The following SYNDIG1 variants were observed in gnomAD, a reference collection of about 807,000 sequenced individuals.
The protein encoded by SYNDIG1 is synapse differentiation-inducing gene protein 1.
A neutral mutation model predicts 19.4 loss-of-function variants in SYNDIG1; 9 were observed. The observed-to-expected ratio is 0.46, with a 90% CI of 0.28 to 0.81. The LOEUF (loss-of-function observed/expected upper bound fraction) is 0.81, where lower values mean the gene tolerates loss of function less well. Ranked by LOEUF, SYNDIG1 falls within the 30% of genes least tolerant of loss-of-function variation. The pLI is 0.12. For synonymous variants in SYNDIG1, 141 were observed against 145.9 expected, an observed-to-expected ratio of 0.97 and a Z score of 0.24; for missense variants, 311 against 343.3, an observed-to-expected ratio of 0.91 and a Z score of 0.74.
At chr20:24,533,609 T>A (rs1019531668) in intron 1 of SYNDIG1, among the ~76,000 whole-genome samples, 4 of 151,708 alleles carry the variant, frequency 2.6e-5, no homozygotes, top group African/African-American at 9.7e-5. Flanking sequence ...AAATGCTGTG[T>A]TGTACAGCAA....
chr20:24,576,057 G>A lies in SYNDIG1; in HGVS notation c.481-8799G>A, dbSNP rs981523526. ...CTCTCCTTCAGTGACACATGGCATCGCCACCCACATTGTCTTGTGCTCTGT... is the reference window on the plus strand; with the variant it reads ...CTCTCCTTCAGTGACACATGGCATCACCACCCACATTGTCTTGTGCTCTGT... On this transcript the variant is annotated intron_variant, in intron 2 of 3. Transcript: ENST00000376862. Among the ~76,000 whole-genome samples, 42 of 152,188 alleles carry A rather than the reference G, an allele frequency of 2.8e-4. 1 individual carries two copies. The highest frequency in any genetic ancestry group is 1.9e-3 in the Admixed American group (29 of 15,278).
chr20:24,544,314 G>T (rs1324222196), intron 2 of SYNDIG1, among the ~76,000 whole-genome samples: 1 of 152,182 alleles, frequency 6.6e-6, no homozygotes, highest in Non-Finnish European at 1.5e-5. Flanking sequence ...TGCTGCCCAT[G>T]CCTCCCAAGT....
chr20:24,541,517 T>C (rs2057468443), intron 1 of SYNDIG1, among the ~76,000 whole-genome samples: 1 of 152,158 alleles, frequency 6.6e-6, no homozygotes, highest in East Asian at 1.9e-4. Flanking sequence ...CCTTCCTCTA[T>C]AAGGAAGCAG....
intron 2 of SYNDIG1, among the ~76,000 whole-genome samples, chr20:24,575,289 A>G (rs2058210027): frequency 6.6e-6 from 1 of 152,236 alleles, no homozygotes; most frequent in Non-Finnish European, 1.5e-5. Flanking sequence ...CCAAAGGAAG[A>G]AAACAAAATT....
chr20:24,661,226 T>C (rs996906858), intron 3 of SYNDIG1, among the ~76,000 whole-genome samples: 2 of 151,926 alleles, frequency 1.3e-5, no homozygotes, highest in African/African-American at 2.4e-5. Context: ...GGTGTGTCTC[T>C]TGTGATGTGG....
intron 3 of SYNDIG1, among the ~76,000 whole-genome samples, chr20:24,620,214 C>T (rs767799434): frequency 6.6e-6 from 1 of 152,208 alleles, no homozygotes; most frequent in Non-Finnish European, 1.5e-5. Context: ...TGCTGCTACC[C>T]ATACATGGTG....
intron 2 of SYNDIG1, among the ~76,000 whole-genome samples, chr20:24,553,323 C>T (rs1278672692): frequency 1.3e-5 from 2 of 152,128 alleles, no homozygotes; most frequent in East Asian, 3.8e-4. Context: ...AATGAGATCC[C>T]ATTTGTCAAT....
chr20:24,522,390 C>T (rs1037580503), intron 1 of SYNDIG1, among the ~76,000 whole-genome samples: 2 of 152,250 alleles, frequency 1.3e-5, no homozygotes, highest in Admixed American at 1.3e-4. Context: ...TGTACCTGGC[C>T]GCATCAAGTT....
chr20:24,597,808 T>C (rs538667905), intron 3 of SYNDIG1, among the ~76,000 whole-genome samples: 1 of 152,286 alleles, frequency 6.6e-6, no homozygotes, highest in East Asian at 1.9e-4. Context: ...GTCACCTCGG[T>C]GTGCAAGAAT....
At chr20:24,617,330 T>A (rs534378173) in intron 3 of SYNDIG1, among the ~76,000 whole-genome samples, 3 of 151,940 alleles carry the variant, frequency 2.0e-5, no homozygotes, top group Non-Finnish European at 2.9e-5. Context: ...GACACCCTCC[T>A]CTCTGCTGCC....
At chr20:24,557,787 C>T (rs941291756) in intron 2 of SYNDIG1, among the ~76,000 whole-genome samples, 19 of 152,132 alleles carry the variant, frequency 1.2e-4, no homozygotes, top group African/African-American at 1.7e-4. Flanking sequence ...TCAGTCTGCC[C>T]GTTCTCAGAT....
intron 1 of SYNDIG1, among the ~76,000 whole-genome samples, chr20:24,470,481 T>A (rs905406511): frequency 2.0e-5 from 3 of 152,318 alleles, no homozygotes; most frequent in East Asian, 3.9e-4. Flanking sequence ...GCCACAGCCC[T>A]GGCGCCGAGA....
chr20:24,506,240 C>T (rs1195549538), intron 1 of SYNDIG1, among the ~76,000 whole-genome samples: 1 of 152,216 alleles, frequency 6.6e-6, no homozygotes, highest in Non-Finnish European at 1.5e-5. Flanking sequence ...CCATCCATAT[C>T]CTTAGCAAGT....
At chr20:24,562,152 G>T (rs2057958442) in intron 2 of SYNDIG1, among the ~76,000 whole-genome samples, 1 of 151,826 alleles carries the variant, frequency 6.6e-6, no homozygotes. Context: ...TTCCAGATCT[G>T]TGTGTGGATC....
chr20:24,547,217 G>A (rs2057596581), intron 2 of SYNDIG1, among the ~76,000 whole-genome samples: 1 of 152,230 alleles, frequency 6.6e-6, no homozygotes, highest in Non-Finnish European at 1.5e-5. Context: ...GGCACTGGGT[G>A]GCTGGCTGTG....
intron 2 of SYNDIG1, among the ~76,000 whole-genome samples, chr20:24,549,476 G>T (rs767574759): frequency 6.6e-6 from 1 of 152,138 alleles, no homozygotes; most frequent in Non-Finnish European, 1.5e-5. Context: ...CGTGGGGTGG[G>T]TGTGGTTCAC....
chr20:24,477,806 G>A (rs1249507827), intron 1 of SYNDIG1, among the ~76,000 whole-genome samples: 2 of 152,194 alleles, frequency 1.3e-5, no homozygotes, highest in Non-Finnish European at 2.9e-5. Flanking sequence ...GGAGACTGAG[G>A]CTGGGGTGCG....
intron 1 of SYNDIG1, among the ~76,000 whole-genome samples, chr20:24,540,584 A>G (rs2057449705): frequency 6.6e-6 from 1 of 152,200 alleles, no homozygotes. Context: ...ATGAAAAGGA[A>G]AAGCATCAAT....
rs191520305 is a variant in SYNDIG1, at chr20:24,504,029, G to T, written c.-79+34276G>T. 1.1e-3 allele frequency among the ~76,000 whole-genome samples: 149 copies of T among 136,638 alleles called. 1 individual carries two copies. The highest frequency in any genetic ancestry group is 4.0e-3 in the African/African-American group (141 of 34,942). The allele number at this position is 136,638 out of a possible 152,430, so 89.6% of individuals were successfully genotyped here. A position where few individuals can be genotyped will look rare whatever the true frequency, so the allele number is the denominator to read the frequency against. The stretch of plus-strand genomic sequence containing the variant: ...GGCTGTAGTACAGTGGCATGATCTT[G>T]GCTCACTGCAAGCTCCACCTCCCAG... On this transcript the variant is annotated intron_variant, in intron 1 of 3. Transcript: ENST00000376862.
Sources: allele counts gnomAD v4.1 joint callset (sites outside exome capture counted in the v4.1 genomes callset), GRCh38; gene constraint gnomAD v4.1.1; transcripts MANE v1.5; gene names NCBI Gene and HGNC (gene_info 2026-07-23, HGNC 2026-07-21).